The following SASH1 variants were observed in gnomAD, a reference collection of about 807,000 sequenced individuals.
SASH1 encodes SAM and SH3 domain-containing protein 1.
Under a neutral mutation model 125.2 loss-of-function variants are expected in SASH1, and 44 were observed. That is an observed-to-expected ratio of 0.35 (90% confidence interval 0.28 to 0.45). SASH1 has a LOEUF of 0.45. Ranked by LOEUF, SASH1 falls within the 20% of genes least tolerant of loss-of-function variation. The probability of loss-of-function intolerance (pLI) is 1.00; values close to 1 mark genes in which losing one functional copy is unlikely to be tolerated. For missense variants in SASH1, 1,426 were observed against 1,614.5 expected (o/e 0.88, Z 2.00); for synonymous variants, 639 against 649.1 (o/e 0.98, Z 0.24).
intron 2 of SASH1, among the ~76,000 whole-genome samples, chr6:148,434,875 C>T (rs1407844019): frequency 6.6e-6 from 1 of 152,042 alleles, no homozygotes; most frequent in African/African-American, 2.4e-5. Context: ...TATGCTTTTT[C>T]CAAGCAAAGT....
chr6:148,293,708 A>C (rs1035845927), intron 1 of SASH1, among the ~76,000 whole-genome samples: 7 of 152,314 alleles, frequency 4.6e-5, no homozygotes, highest in African/African-American at 1.7e-4. Context: ...AGCCTGCTCA[A>C]GAGGTGCTGT....
intron 2 of SASH1, among the ~76,000 whole-genome samples, chr6:148,424,875 A>G (rs901640645): frequency 1.6e-4 from 25 of 152,222 alleles, no homozygotes; most frequent in South Asian, 8.3e-4. Context: ...GTCACCTGGG[A>G]ACTTGGTAAA....
chr6:148,306,911 C>T (rs892049009), intron 1 of SASH1, among the ~76,000 whole-genome samples: 2 of 152,138 alleles, frequency 1.3e-5, no homozygotes, highest in Non-Finnish European at 2.9e-5. Context: ...GGTCAGATGA[C>T]CAGGCCTTGG....
the SASH1 span, among the ~76,000 whole-genome samples, chr6:148,199,024 A>G: frequency 6.6e-6 from 1 of 152,184 alleles, no homozygotes; most frequent in African/African-American, 2.4e-5. Context: ...AGATTGAGGC[A>G]AAGAGAAGTT....
rs200280970 is a variant in SASH1 at position 148,493,915 on chromosome 6, A to C, written c.729+6200A>C. 9.9e-5 allele frequency among the ~76,000 whole-genome samples: 15 copies of C among 152,210 alleles called. No homozygotes were observed. The East Asian group carries it at 2.9e-3, about 29-fold the overall frequency. ...CATTTATTTATTATTTTTCATTTTA[A>C]TTTAGTTTGGTAAGTTTATTTTTTC... is the stretch of plus-strand genomic sequence containing the variant. On this transcript the variant is annotated intron_variant, in intron 8 of 19. Transcript: ENST00000367467.
At chr6:148,477,692 A>AT (rs71004300) in intron 7 of SASH1, among the ~76,000 whole-genome samples, 25,604 of 95,854 alleles carry the variant, frequency 0.27, 3,855 homozygotes, top group Non-Finnish European at 0.33. Flanking sequence ...CACCTGGCTA[A>AT]TTTTTTTTTT....
intron 1 of SASH1, among the ~76,000 whole-genome samples, chr6:148,328,325 G>A (rs748592073): frequency 1.3e-5 from 2 of 152,122 alleles, no homozygotes; most frequent in Non-Finnish European, 2.9e-5. Context: ...GAGGCCGGGC[G>A]CGGTGGCTCA....
At chr6:148,386,941 G>A (rs1376757107) in intron 1 of SASH1, among the ~76,000 whole-genome samples, 1 of 152,022 alleles carries the variant, frequency 6.6e-6, no homozygotes, top group Non-Finnish European at 1.5e-5. Flanking sequence ...AACATCCCTA[G>A]GTGAATCAAG....
chr6:148,386,302 T>C lies in SASH1; in HGVS notation c.157-3832T>C, dbSNP rs565236859. On this transcript the variant is annotated intron_variant, in intron 1 of 19. Coordinates refer to ENST00000367467, the MANE Select transcript of SASH1 (RefSeq NM_015278.5). ...GAAGAGAAAAAGGGGAAGAAAGTAGTTTGGACAAAGCTATATTAATAATTA... is the reference window on the plus strand; with the variant it reads ...GAAGAGAAAAAGGGGAAGAAAGTAGCTTGGACAAAGCTATATTAATAATTA... Among the ~76,000 whole-genome samples the C allele has an allele frequency of 1.8e-4, 28 of 152,360 alleles. No individual in the cohort carries two copies. The East Asian group carries it at 5.0e-3, about 27-fold the overall frequency.
At chr6:148,535,632 T>C (rs139527727) in intron 16 of SASH1, among the ~76,000 whole-genome samples, 73 of 152,352 alleles carry the variant, frequency 4.8e-4, no homozygotes, top group African/African-American at 1.7e-3. Context: ...GAATCATCAC[T>C]GAGCTCACAG....
In SASH1 at chr6:148,436,776, A is replaced by G. The variant is rs117161506; in HGVS notation, c.286-3408A>G. On this transcript the variant is annotated intron_variant, in intron 2 of 19. Transcript: ENST00000367467. ...TAGAGCAGAGCAAGCCTTTTCTGCT[A>G]TTGCCTTTCTGAATTCATATTCACA... is the stretch of plus-strand genomic sequence containing the variant. Among the ~76,000 whole-genome samples, 347 of 152,292 alleles carry G rather than the reference A, an allele frequency of 2.3e-3. 2 individuals carry two copies. The highest frequency in any genetic ancestry group is 2.7e-3 in the Non-Finnish European group (182 of 68,018).
chr6:148,506,654 G>A (rs1779819058), intron 8 of SASH1, among the ~76,000 whole-genome samples: 1 of 152,150 alleles, frequency 6.6e-6, no homozygotes, highest in Admixed American at 6.5e-5. Flanking sequence ...AGAGAACTTG[G>A]TAATTAAACC....
intron 4 of SASH1, among the ~76,000 whole-genome samples, chr6:148,466,200 G>A (rs906151147): frequency 5.3e-5 from 8 of 152,194 alleles, no homozygotes; most frequent in Non-Finnish European, 8.8e-5. Flanking sequence ...GGAATAAGGG[G>A]AAATAACTAG....
chr6:148,521,638 T>C (rs7760284), intron 10 of SASH1, among the ~76,000 whole-genome samples: 5,327 of 152,344 alleles, frequency 0.035, 319 homozygotes, highest in African/African-American at 0.12. Context: ...TTCTGTATCA[T>C]GGCAACAGTT....
the SASH1 span, among the ~76,000 whole-genome samples, chr6:148,260,039 A>C: frequency 6.6e-6 from 1 of 152,084 alleles, no homozygotes; most frequent in Non-Finnish European, 1.5e-5. Context: ...GGCATGTACC[A>C]CTGCACCTGG....
chr6:148,344,944 C>T (rs766792140), intron 1 of SASH1, among the ~76,000 whole-genome samples: 5 of 151,808 alleles, frequency 3.3e-5, no homozygotes, highest in African/African-American at 4.8e-5. Flanking sequence ...TTAGTAGAGA[C>T]GGGGTTTCAC....
the SASH1 span, among the ~76,000 whole-genome samples, chr6:148,203,506 T>C: frequency 2.6e-5 from 4 of 152,146 alleles, no homozygotes; most frequent in African/African-American, 9.7e-5. Context: ...GCAGGTAATT[T>C]TTGCATATAC....
At chr6:148,400,192 TAGG>T (rs1279084499) in intron 2 of SASH1, among the ~76,000 whole-genome samples, 2 of 152,128 alleles carry the variant, frequency 1.3e-5, no homozygotes, top group Non-Finnish European at 2.9e-5. Context: ...TTTGAGACTG[TAGG>T]AGATGACTGA....
chr6:148,330,782 C>T (rs141854561), intron 1 of SASH1, among the ~76,000 whole-genome samples: 9,474 of 152,136 alleles, frequency 0.062, 371 homozygotes, highest in African/African-American at 0.1. Context: ...GATGGGGTTT[C>T]GCCATGTTGG....
Sources: allele counts gnomAD v4.1 joint callset (sites outside exome capture counted in the v4.1 genomes callset), GRCh38; gene constraint gnomAD v4.1.1; transcripts MANE v1.5; gene names NCBI Gene and HGNC (gene_info 2026-07-23, HGNC 2026-07-21).